Variants in GALNTL6 observed in about 807,000 individuals in gnomAD.
GALNTL6 encodes polypeptide N-acetylgalactosaminyltransferase like 6.
A neutral mutation model predicts 73.7 loss-of-function variants in GALNTL6; 46 were observed. The observed-to-expected ratio is 0.62, with a 90% CI of 0.49 to 0.80. The LOEUF (loss-of-function observed/expected upper bound fraction) is 0.80, where lower values mean the gene tolerates loss of function less well. Ranked by LOEUF, GALNTL6 falls within the 30% of genes least tolerant of loss-of-function variation. GALNTL6 has a pLI of 0.00. For missense variants in GALNTL6, 604 were observed against 755.0 expected (o/e 0.80, Z 2.34); for synonymous variants, 259 against 263.7 (o/e 0.98, Z 0.17).
chr4:172,718,500 T>G (rs1735248267), intron 5 of GALNTL6, among the ~76,000 whole-genome samples: 1 of 151,826 alleles, frequency 6.6e-6, no homozygotes, highest in African/African-American at 2.4e-5. Flanking sequence ...GAGCCAGGTA[T>G]GGTGGTGTGT....
intron 5 of GALNTL6, among the ~76,000 whole-genome samples, chr4:172,520,136 C>A (rs1734730821): frequency 6.6e-6 from 1 of 151,706 alleles, no homozygotes; most frequent in African/African-American, 2.4e-5. Context: ...GTACAACAAC[C>A]CACTGTGGCA....
chr4:172,750,440 A>T (rs1185680447), intron 5 of GALNTL6, among the ~76,000 whole-genome samples: 1 of 152,216 alleles, frequency 6.6e-6, no homozygotes, highest in African/African-American at 2.4e-5. Flanking sequence ...ACTTCAAATG[A>T]TGCCAACATT....
At chr4:172,107,402 G>T (rs1732704802) in intron 2 of GALNTL6, among the ~76,000 whole-genome samples, 1 of 151,944 alleles carries the variant, frequency 6.6e-6, no homozygotes, top group Non-Finnish European at 1.5e-5. Context: ...GTTTAAAAAG[G>T]ACTACCTGAA....
intron 5 of GALNTL6, among the ~76,000 whole-genome samples, chr4:172,621,207 T>G (rs189669628): frequency 6.6e-6 from 1 of 152,184 alleles, no homozygotes. Flanking sequence ...GTAGCTAGCA[T>G]GCCCAGCTAA....
chr4:172,497,150 G>A (rs1734095070), intron 5 of GALNTL6, among the ~76,000 whole-genome samples: 2 of 152,188 alleles, frequency 1.3e-5, no homozygotes, highest in South Asian at 4.1e-4. Flanking sequence ...GTTGGTCATT[G>A]TAAGAGGGAT....
intron 2 of GALNTL6, among the ~76,000 whole-genome samples, chr4:172,203,167 T>C (rs1006527123): frequency 2.6e-5 from 4 of 152,322 alleles, no homozygotes; most frequent in African/African-American, 7.2e-5. Flanking sequence ...TTTAGCATGA[T>C]AGAATGAGGA....
chr4:172,607,198 C>T (rs913260672), intron 5 of GALNTL6, among the ~76,000 whole-genome samples: 2 of 152,040 alleles, frequency 1.3e-5, no homozygotes, highest in Non-Finnish European at 2.9e-5. Context: ...ACTTTAATCC[C>T]TCTACTCTCA....
chr4:172,242,860 A>G lies in GALNTL6; in HGVS notation c.247+13096A>G, dbSNP rs189133257. 3.8e-3 allele frequency among the ~76,000 whole-genome samples: 574 copies of G among 152,342 alleles called. 4 individuals carry two copies. The highest frequency in any genetic ancestry group is 0.013 in the African/African-American group (523 of 41,588). ...TGGCACTGCGGCCATTCTGATGCAAACCACCAATGTCTCCTGCCTAAACTA... is the reference window on the plus strand; with the variant it reads ...TGGCACTGCGGCCATTCTGATGCAAGCCACCAATGTCTCCTGCCTAAACTA... On this transcript the variant is annotated intron_variant, in intron 3 of 12. Coordinates refer to ENST00000506823, the MANE Select transcript of GALNTL6 (RefSeq NM_001034845.3).
chr4:171,949,561 A>G (rs1047477530), intron 2 of GALNTL6, among the ~76,000 whole-genome samples: 1 of 152,202 alleles, frequency 6.6e-6, no homozygotes, highest in Non-Finnish European at 1.5e-5. Context: ...AGGGGCAGAA[A>G]GTAGATTGAG....
At chr4:172,562,488 C>T (rs1375420746) in intron 5 of GALNTL6, among the ~76,000 whole-genome samples, 2 of 152,216 alleles carry the variant, frequency 1.3e-5, no homozygotes, top group Non-Finnish European at 2.9e-5. Flanking sequence ...GCACAAGGGC[C>T]AGCTTAACTT....
intron 2 of GALNTL6, among the ~76,000 whole-genome samples, chr4:171,914,034 C>A (rs920258100): frequency 5.3e-5 from 8 of 151,980 alleles, no homozygotes; most frequent in African/African-American, 1.9e-4. Context: ...TGGATTATTT[C>A]TCTTGCTATT....
intron 2 of GALNTL6, among the ~76,000 whole-genome samples, chr4:172,178,757 A>T (rs1735134135): frequency 8.1e-6 from 1 of 123,592 alleles, no homozygotes; most frequent in Non-Finnish European, 1.7e-5. Context: ...TGCACCCACT[A>T]ACTCGTCATC....
intron 2 of GALNTL6, among the ~76,000 whole-genome samples, chr4:171,994,142 G>A (rs912616215): frequency 6.6e-6 from 1 of 152,004 alleles, no homozygotes; most frequent in African/African-American, 2.4e-5. Flanking sequence ...TATGGTGATT[G>A]AAACTACCAG....
At chr4:172,679,169 C>T (rs566803839) in intron 5 of GALNTL6, among the ~76,000 whole-genome samples, 41 of 152,058 alleles carry the variant, frequency 2.7e-4, no homozygotes, top group African/African-American at 8.7e-4. Flanking sequence ...CCCAGCAGTT[C>T]GGGAGGCCAA....
intron 2 of GALNTL6, among the ~76,000 whole-genome samples, chr4:172,096,438 A>G (rs1390762221): frequency 6.6e-6 from 1 of 151,734 alleles, no homozygotes; most frequent in African/African-American, 2.4e-5. Context: ...GATTTTCTTC[A>G]ATTTAACCTT....
chr4:171,814,644 C>T lies in GALNTL6; in HGVS notation c.64C>T (p.Leu22=), dbSNP rs144827358. The change falls in exon 2 of 13, where the codon CTG becomes TTG. Residue 22 remains leucine, a synonymous_variant. Transcript: ENST00000506823. ...GTTGTTCACGGTGGCTTTAATTTTC[C>T]TGCCTAACGTTGGTCTCTGGTCTCT... ...TLLFTVALIF[L]PNVGLWSLYK... 6.2e-7 allele frequency: 1 copy of T among 1,614,034 alleles called. No individual in the cohort carries two copies. Among genetic ancestry groups the T allele is most frequent in the African/African-American group, 1.3e-5 (1 of 74,992 alleles).
rs75195979 is a variant in GALNTL6 at position 172,791,795 on chromosome 4, G to GA, written c.554-17557dup. Among the ~76,000 whole-genome samples, 1,324 of 150,940 alleles carry GA rather than the reference G, an allele frequency of 8.8e-3. 15 individuals carry two copies. The highest frequency in any genetic ancestry group is 0.051 in the East Asian group (264 of 5,164). ...AGCCTGTGTTCCTTGTTTAGGAAAAGAAAAAAAAAGTTAATTTCTGATTGA... is the reference window on the plus strand; with the variant it reads ...AGCCTGTGTTCCTTGTTTAGGAAAAGAAAAAAAAAAGTTAATTTCTGATTGA... On this transcript the variant is annotated intron_variant, in intron 5 of 12. Coordinates refer to ENST00000506823, the MANE Select transcript of GALNTL6 (RefSeq NM_001034845.3).
At chr4:172,467,009 G>A (rs1457300036) in intron 5 of GALNTL6, among the ~76,000 whole-genome samples, 1 of 152,154 alleles carries the variant, frequency 6.6e-6, no homozygotes, top group African/African-American at 2.4e-5. Context: ...AACTGTCTGG[G>A]AGGATGCCCA....
intron 3 of GALNTL6, among the ~76,000 whole-genome samples, chr4:172,301,244 T>G (rs1037699192): frequency 6.6e-6 from 1 of 152,092 alleles, no homozygotes; most frequent in Non-Finnish European, 1.5e-5. Context: ...TTCTCTGCAT[T>G]GGTTATTCTA....
Sources: gnomAD v4.1 joint callset for allele counts (sites outside exome capture counted in the v4.1 genomes callset) on GRCh38, gnomAD v4.1.1 for gene constraint, MANE v1.5 for transcripts, NCBI Gene and HGNC (gene_info 2026-07-23, HGNC 2026-07-21) for gene names.